The following RBBP8 variants were observed in gnomAD, a reference collection of about 807,000 sequenced individuals.
RBBP8 encodes the protein DNA endonuclease RBBP8.
A neutral mutation model predicts 108.3 loss-of-function variants in RBBP8; 88 were observed. That is an observed-to-expected ratio of 0.81 (90% confidence interval 0.68 to 0.97). The LOEUF is 0.97. RBBP8 is among the 50% of genes least tolerant of loss of function. The probability of loss-of-function intolerance (pLI) is 0.00; values close to 1 mark genes in which losing one functional copy is unlikely to be tolerated. For missense variants in RBBP8, 1,023 were observed against 1,049.0 expected (o/e 0.98, Z 0.34); for synonymous variants, 332 against 348.2 (o/e 0.95, Z 0.52).
intron 4 of RBBP8, among the ~76,000 whole-genome samples, chr18:22,956,850 TATG>T (rs1295725215): frequency 9.9e-5 from 15 of 152,262 alleles, no homozygotes; most frequent in African/African-American, 3.6e-4. Context: ...TAATTATTAT[TATG>T]TTTAATGAGT....
intron 18 of RBBP8, among the ~76,000 whole-genome samples, chr18:23,022,668 T>TAAA (rs1353697130): frequency 1.5e-5 from 2 of 136,030 alleles, no homozygotes; most frequent in African/African-American, 2.9e-5. Context: ...TAAAATAAAA[T>TAAA]AAATAACTGT....
rs150338285 is a variant in RBBP8 at position 22,991,318 on chromosome 18, A to C, written c.920+269A>C. ...AGTACTTGTCACTCTGCTCCTTTAAAGAGCCAGTCATCCCTTCGGGGTTTA... is the reference window on the plus strand; with the variant it reads ...AGTACTTGTCACTCTGCTCCTTTAACGAGCCAGTCATCCCTTCGGGGTTTA... On this transcript the variant is annotated intron_variant, in intron 10 of 18. Coordinates refer to ENST00000327155, the MANE Select transcript of RBBP8 (RefSeq NM_002894.3). Among the ~76,000 whole-genome samples the C allele has an allele frequency of 3.9e-5, 6 of 152,342 alleles. No homozygotes were observed. The East Asian group carries it at 9.6e-4, about 24-fold the overall frequency.
chr18:22,993,224 A>G lies in RBBP8; in HGVS notation c.1397A>G (p.Asp466Gly), dbSNP rs1241563537. The G allele has an allele frequency of 3.1e-6, 5 of 1,614,244 alleles. No individual in the cohort carries two copies. The highest frequency in any genetic ancestry group is 4.2e-6 in the Non-Finnish European group (5 of 1,180,036). Residue 466 changes from aspartate to glycine, a missense_variant, in exon 11 of 19, where the codon GAT becomes GGT. Coordinates refer to ENST00000327155, the MANE Select transcript of RBBP8 (RefSeq NM_002894.3). ...GTAAGCTGCCCCCAAGCTTCTTTTGATAAAGAAAATGCTTTCCCTTTTCCA... is the reference window on the plus strand; with the variant it reads ...GTAAGCTGCCCCCAAGCTTCTTTTGGTAAAGAAAATGCTTTCCCTTTTCCA... ...HEVSCPQASFDKENAFPFPMD... is the reference protein window; with the variant it reads ...HEVSCPQASFGKENAFPFPMD...
At chr18:22,958,921 C>G (rs928661530) in intron 4 of RBBP8, among the ~76,000 whole-genome samples, 10 of 152,198 alleles carry the variant, frequency 6.6e-5, no homozygotes, top group Non-Finnish European at 1.2e-4. Context: ...CTAGACTATT[C>G]TAGAAAGCTG....
At chr18:22,963,912 T>G in intron 4 of RBBP8, among the ~76,000 whole-genome samples, 1 of 152,144 alleles carries the variant, frequency 6.6e-6, no homozygotes, top group East Asian at 1.9e-4. Flanking sequence ...AAGAGTACCA[T>G]TGTCATGCTT....
chr18:22,993,916 T>C (rs890720049), intron 12 of RBBP8, 69 bp downstream of exon 12: 13 of 1,495,674 alleles, frequency 8.7e-6, no homozygotes, highest in Admixed American at 1.8e-5. Flanking sequence ...ATTTACTTTT[T>C]TAAATAGATT....
intron 12 of RBBP8, among the ~76,000 whole-genome samples, chr18:22,994,323 A>G (rs1456109963): frequency 2.8e-5 from 4 of 141,968 alleles, no homozygotes; most frequent in African/African-American, 1.0e-4. Flanking sequence ...GCGCCCGGCC[A>G]CTTATATACG....
intron 12 of RBBP8, among the ~76,000 whole-genome samples, chr18:22,994,628 C>T (rs1448827710): frequency 5.0e-5 from 7 of 140,352 alleles, no homozygotes; most frequent in Admixed American, 3.7e-4. Flanking sequence ...GCCTGGGTGA[C>T]AGAGCAAGAC....
chr18:23,025,657 A>T (rs2059316011), intron 18 of RBBP8, among the ~76,000 whole-genome samples: 1 of 152,234 alleles, frequency 6.6e-6, no homozygotes, highest in South Asian at 2.1e-4. Context: ...TACTGTAAAA[A>T]GTATTTTTGA....
At chr18:22,976,161 A>G (rs1219487692) in intron 6 of RBBP8, among the ~76,000 whole-genome samples, 2 of 152,246 alleles carry the variant, frequency 1.3e-5, no homozygotes, top group Middle Eastern at 6.8e-3. Context: ...TAGAATTATC[A>G]TTCTTACTGG....
At chr18:22,946,551 A>C in intron 3 of RBBP8, 65 bp downstream of exon 3, 3 of 1,598,464 alleles carry the variant, frequency 1.9e-6, no homozygotes, top group Non-Finnish European at 2.6e-6. Context: ...GTCCAATTTG[A>C]CATTCATAGA....
intron 18 of RBBP8, among the ~76,000 whole-genome samples, chr18:23,022,637 T>TATAAAATATA (rs1555650068): frequency 5.1e-5 from 4 of 78,048 alleles, no homozygotes; most frequent in Non-Finnish European, 1.0e-4. Context: ...TAAAATAAAA[T>TATAAAATATA]AAATAAAATA....
At chr18:23,007,718 CTT>C (rs1174729222) in intron 16 of RBBP8, among the ~76,000 whole-genome samples, 1 of 142,300 alleles carries the variant, frequency 7.0e-6, no homozygotes, top group Admixed American at 7.1e-5. Flanking sequence ...AAAAAAAAGA[CTT>C]TAGGTAGTAA....
chr18:23,001,765 T>C (rs535616444), intron 15 of RBBP8, 36 bp downstream of exon 15: 1 of 1,611,896 alleles, frequency 6.2e-7, no homozygotes, highest in East Asian at 2.2e-5. Flanking sequence ...GGCTTCTCAG[T>C]TGCAGAATTC....
chr18:22,922,149 A>G (rs950548184), intron 3 of RBBP8, among the ~76,000 whole-genome samples: 2 of 152,214 alleles, frequency 1.3e-5, no homozygotes, highest in Non-Finnish European at 2.9e-5. Flanking sequence ...ACAGATAAAC[A>G]GTACTTTAAT....
At chr18:22,965,113 C>G (rs1299034098) in intron 4 of RBBP8, among the ~76,000 whole-genome samples, 6 of 151,948 alleles carry the variant, frequency 3.9e-5, no homozygotes, top group Non-Finnish European at 8.8e-5. Flanking sequence ...TTACTGTATT[C>G]TTCATAATTT....
chr18:22,928,756 G>T (rs189720060), upstream of RBBP8, among the ~76,000 whole-genome samples: 1 of 150,728 alleles, frequency 6.6e-6, no homozygotes, highest in Admixed American at 6.6e-5. Flanking sequence ...CACAACCTCC[G>T]CCTCCTGGGT....
intron 16 of RBBP8, among the ~76,000 whole-genome samples, chr18:23,010,982 A>G (rs1397628288): frequency 1.3e-5 from 2 of 152,204 alleles, no homozygotes; most frequent in African/African-American, 4.8e-5. Context: ...GATCTGCATA[A>G]TCTTAGGAGT....
At chr18:23,023,038 A>G (rs969801588) in intron 18 of RBBP8, among the ~76,000 whole-genome samples, 1 of 151,788 alleles carries the variant, frequency 6.6e-6, no homozygotes, top group Non-Finnish European at 1.5e-5. Flanking sequence ...CTAGGACTAC[A>G]GCCTTGTGCC....
Sources: allele counts gnomAD v4.1 joint callset (sites outside exome capture counted in the v4.1 genomes callset), GRCh38; gene constraint gnomAD v4.1.1; transcripts MANE v1.5; gene names NCBI Gene and HGNC (gene_info 2026-07-23, HGNC 2026-07-21).